Variants in CNTN5 observed in about 807,000 individuals in gnomAD.
The protein encoded by CNTN5 is contactin-5.
In CNTN5, 77 loss-of-function variants were observed where a neutral mutation model predicts 129.1. The observed-to-expected ratio is 0.60, with a 90% confidence interval of 0.50 to 0.72. The LOEUF (loss-of-function observed/expected upper bound fraction) is 0.72. Among genes scored for constraint, CNTN5 ranks in the 30% least tolerant of loss-of-function variants. The pLI is 0.00. For missense variants in CNTN5, 1,478 were observed against 1,328.8 expected (o/e 1.11, Z -1.75); for synonymous variants, 509 against 465.6 (o/e 1.09, Z -1.20).
intron 1 of CNTN5, among the ~76,000 whole-genome samples, chr11:99,272,200 A>C (rs2135859856): frequency 6.6e-6 from 1 of 151,996 alleles, no homozygotes; most frequent in South Asian, 2.1e-4. Flanking sequence ...TTTGTGCTCA[A>C]GCAGGTTGGT....
At chr11:99,124,154 T>C (rs1345798679) in intron 1 of CNTN5, among the ~76,000 whole-genome samples, 1 of 152,086 alleles carries the variant, frequency 6.6e-6, no homozygotes, top group Non-Finnish European at 1.5e-5. Context: ...ATTCTTCCTG[T>C]CTATGAGCAT....
chr11:99,165,162 G>A (rs7949592), intron 1 of CNTN5, among the ~76,000 whole-genome samples: 25,338 of 152,032 alleles, frequency 0.17, 2,293 homozygotes, highest in East Asian at 0.34. Flanking sequence ...AGTTAATGAG[G>A]TTGTAAATCT....
At chr11:99,390,502 T>C (rs1941204953) in intron 2 of CNTN5, among the ~76,000 whole-genome samples, 1 of 152,228 alleles carries the variant, frequency 6.6e-6, no homozygotes, top group Admixed American at 6.5e-5. Flanking sequence ...ATAAAGTATC[T>C]TACTAAAATG....
At position 100,350,579 on chromosome 11, in the gene CNTN5, G is replaced by T. The variant is rs147257189; in HGVS notation, c.3031-123G>T. The T allele has an allele frequency of 1.1e-4, 66 of 626,126 alleles. No individual in the cohort carries two copies. The African/African-American group carries it at 1.1e-3, about 10-fold the overall frequency. The allele number at this position is 626,126 out of a possible 1,614,324, so 38.8% of individuals were successfully genotyped here. On this transcript the variant is annotated intron_variant, in intron 23 of 24. Transcript: ENST00000524871. ...AGTAGACTGCACATGTATTACATTT[G>T]CTTATGTATCTGTCTAAACTGTAAG...
At chr11:99,268,230 A>G (rs888907532) in intron 1 of CNTN5, among the ~76,000 whole-genome samples, 3 of 152,012 alleles carry the variant, frequency 2.0e-5, no homozygotes, top group Admixed American at 2.0e-4. Flanking sequence ...TAGCTATTAA[A>G]GAAAGGTGCC....
intron 1 of CNTN5, among the ~76,000 whole-genome samples, chr11:99,095,797 G>T (rs1029646689): frequency 7.9e-5 from 12 of 151,848 alleles, no homozygotes; most frequent in African/African-American, 2.9e-4. Context: ...TATTTTGTGA[G>T]CAGTCAGGAG....
chr11:99,602,270 T>C (rs1950336811), intron 3 of CNTN5, among the ~76,000 whole-genome samples: 1 of 152,116 alleles, frequency 6.6e-6, no homozygotes, highest in Non-Finnish European at 1.5e-5. Flanking sequence ...ATCTTGATTA[T>C]TTACTTTATT....
intron 11 of CNTN5, among the ~76,000 whole-genome samples, chr11:100,070,872 A>G (rs564639788): frequency 6.6e-6 from 1 of 152,094 alleles, no homozygotes; most frequent in East Asian, 1.9e-4. Flanking sequence ...CAATCCTATA[A>G]ATTTTTATGA....
chr11:100,172,532 C>A (rs1225454240), intron 13 of CNTN5, among the ~76,000 whole-genome samples: 1 of 151,906 alleles, frequency 6.6e-6, no homozygotes, highest in East Asian at 1.9e-4. Context: ...AAGATAATAA[C>A]TAGGAATCTG....
intron 9 of CNTN5, among the ~76,000 whole-genome samples, chr11:100,015,404 C>A (rs1433004488): frequency 2.0e-5 from 3 of 152,110 alleles, no homozygotes; most frequent in Non-Finnish European, 2.9e-5. Flanking sequence ...TGATAACTTG[C>A]TAATAACCAT....
chr11:100,198,118 C>CACT (rs1039153252), intron 15 of CNTN5, among the ~76,000 whole-genome samples: 28 of 151,940 alleles, frequency 1.8e-4, no homozygotes, highest in African/African-American at 6.5e-4. Context: ...ATTCACTGAC[C>CACT]ACTTCTTATG....
intron 16 of CNTN5, among the ~76,000 whole-genome samples, chr11:100,233,037 C>G (rs909355632): frequency 1.3e-5 from 2 of 152,068 alleles, no homozygotes; most frequent in African/African-American, 4.8e-5. Flanking sequence ...TTAAACCTCT[C>G]TATGTTAAAC....
intron 3 of CNTN5, among the ~76,000 whole-genome samples, chr11:99,598,274 CT>C: frequency 4.0e-4 from 2 of 4,978 alleles, no homozygotes; most frequent in Non-Finnish European, 1.4e-3. Context: ...CTTTTCTTTT[CT>C]TTTCTTTTCT....
intron 1 of CNTN5, among the ~76,000 whole-genome samples, chr11:99,037,316 C>A (rs1863784796): frequency 6.6e-6 from 1 of 152,048 alleles, no homozygotes; most frequent in Admixed American, 6.6e-5. Context: ...CATGTCATTT[C>A]TTTGCTCTAA....
chr11:100,148,725 A>T lies in CNTN5; in HGVS notation c.1581-42401A>T, dbSNP rs78273899. On this transcript the variant is annotated intron_variant, in intron 13 of 24. Transcript: ENST00000524871. ...TACAGGTCAGATAGATATATCTAAC[A>T]AACAAACACGTGTGGATAATGGAAA... Among the ~76,000 whole-genome samples the T allele has an allele frequency of 5.4e-4, 12 of 22,222 alleles. No homozygotes were observed. The African/African-American group carries it at 6.7e-3, about 12-fold the overall frequency. 14.6% of individuals were successfully genotyped at this position (22,222 alleles called of 152,430 possible).
intron 2 of CNTN5, among the ~76,000 whole-genome samples, chr11:99,369,209 T>G (rs12280665): frequency 1.3e-5 from 1 of 75,282 alleles, no homozygotes; most frequent in Non-Finnish European, 2.5e-5. Context: ...ATAATATATA[T>G]TATATATAAT....
chr11:100,264,993 G>A (rs1028707423), intron 17 of CNTN5, among the ~76,000 whole-genome samples: 1 of 151,954 alleles, frequency 6.6e-6, no homozygotes, highest in Non-Finnish European at 1.5e-5. Flanking sequence ...GTGATGTTGT[G>A]GGGTTTTTTT....
intron 1 of CNTN5, among the ~76,000 whole-genome samples, chr11:99,166,234 C>G (rs569254748): frequency 7.7e-4 from 117 of 151,990 alleles, no homozygotes; most frequent in African/African-American, 2.7e-3. Context: ...AATTCCATGT[C>G]TACTAAATAT....
intron 3 of CNTN5, among the ~76,000 whole-genome samples, chr11:99,679,260 G>A (rs1953446850): frequency 6.6e-6 from 1 of 150,428 alleles, no homozygotes; most frequent in African/African-American, 2.4e-5. Flanking sequence ...TAAAAAGGGT[G>A]AAATTAAAAC....
Sources: allele counts gnomAD v4.1 joint callset (sites outside exome capture counted in the v4.1 genomes callset), GRCh38; gene constraint gnomAD v4.1.1; transcripts MANE v1.5; gene names NCBI Gene and HGNC (gene_info 2026-07-23, HGNC 2026-07-21).